Variants in C10orf90 observed in about 807,000 individuals in gnomAD.
C10orf90 encodes the protein chromosome 10 open reading frame 90.
In C10orf90, 56 loss-of-function variants were observed where a neutral mutation model predicts 62.5. The observed-to-expected ratio is 0.90, with a 90% CI of 0.72 to 1.12. The LOEUF (loss-of-function observed/expected upper bound fraction) is 1.12, where lower values mean the gene tolerates loss of function less well. C10orf90 is among the 50% of genes most tolerant of loss of function. The pLI, the probability that C10orf90 is intolerant of heterozygous loss-of-function variation, is 0.00. For missense variants in C10orf90, 970 were observed against 880.4 expected (o/e 1.10, Z -1.29); for synonymous variants, 386 against 340.4 (o/e 1.13, Z -1.47).
chr10:126,442,899 TC>T (rs1858492338), intron 7 of C10orf90, among the ~76,000 whole-genome samples: 1 of 151,728 alleles, frequency 6.6e-6, no homozygotes, highest in Non-Finnish European at 1.5e-5. Flanking sequence ...AATTACCTGC[TC>T]CTGGATGAGC....
chr10:126,595,136 ACT>A (rs1280669236), intron 2 of C10orf90, among the ~76,000 whole-genome samples: 1 of 152,178 alleles, frequency 6.6e-6, no homozygotes, highest in East Asian at 1.9e-4. Flanking sequence ...TTGTTCTCAA[ACT>A]CTGGATTCCA....
intron 2 of C10orf90, among the ~76,000 whole-genome samples, chr10:126,580,438 A>T (rs1450229414): frequency 6.6e-6 from 1 of 152,098 alleles, no homozygotes; most frequent in Non-Finnish European, 1.5e-5. Context: ...GGTGGATCAC[A>T]GTCAGGAGAT....
intron 1 of C10orf90, among the ~76,000 whole-genome samples, chr10:126,659,061 G>A (rs912876668): frequency 5.9e-5 from 9 of 152,132 alleles, no homozygotes; most frequent in African/African-American, 2.2e-4. Flanking sequence ...GCACGCATTG[G>A]GAACTACAGA....
chr10:126,608,168 G>T (rs749452936), intron 2 of C10orf90, among the ~76,000 whole-genome samples: 1 of 152,204 alleles, frequency 6.6e-6, no homozygotes, highest in Non-Finnish European at 1.5e-5. Context: ...GAGTGCAGTG[G>T]TGCCATCAGG....
rs796101004 is a variant in C10orf90 at position 126,474,091 on chromosome 10, C to T, written c.1535-9105G>A. 4.9e-4 allele frequency among the ~76,000 whole-genome samples: 75 copies of T among 152,292 alleles called. 1 individual carries two copies. Among genetic ancestry groups the T allele is most frequent in the African/African-American group, 1.8e-3 (75 of 41,560 alleles). ...ACACACAGAATCTGAGACCTCACCTCAGAGCCACTGAATCCGAATCTGCAT... is the reference window on the plus strand; with the variant it reads ...ACACACAGAATCTGAGACCTCACCTTAGAGCCACTGAATCCGAATCTGCAT... On this transcript the variant is annotated intron_variant, in intron 4 of 9. Coordinates refer to ENST00000488181, the MANE Select transcript of C10orf90 (RefSeq NM_001350921.2).
Position 126,646,521 on chromosome 10 carries a change from A to G in C10orf90, c.313+44T>C. The G allele has an allele frequency of 8.3e-6, 3 of 360,148 alleles. 1 individual carries two copies. Among genetic ancestry groups the G allele is most frequent in the South Asian group, 6.3e-5 (3 of 47,532 alleles). 22.3% of individuals were successfully genotyped at this position (360,148 alleles called of 1,614,324 possible). On this transcript the variant is annotated intron_variant, in intron 2 of 9. Transcript: ENST00000488181. ...AGAGAGAGAGAGAGAGAGTAAATAA[A>G]GGCTTGAAAGGGAACCCTGCCTGGG... is the stretch of plus-strand genomic sequence containing the variant.
In C10orf90 at chr10:126,504,593, A is replaced by T; in HGVS notation, c.898T>A (p.Ser300Thr). ...TCGGGAACCTTCAGCCGCACCACGGAGCTGTTTCTGGAGAACTCTGTGCAG... is the reference window on the plus strand; with the variant it reads ...TCGGGAACCTTCAGCCGCACCACGGTGCTGTTTCTGGAGAACTCTGTGCAG... The part of the protein sequence containing the change: ...FACTEFSRNS[S>T]VVRLKVPEAH... The change falls in exon 4 of 10, where the codon TCC becomes ACC. Residue 300 changes from serine (S) to threonine (T), a missense_variant. By Grantham distance (58) the Ser-to-Thr change is moderately conservative. Transcript: ENST00000488181. The surrounding 1 kb of genome is among the most constrained non-coding windows in gnomAD (Gnocchi z 4.1). 6.2e-7 allele frequency: 1 copy of T among 1,614,102 alleles called. No individual in the cohort carries two copies. The highest frequency in any genetic ancestry group is 8.5e-7 in the Non-Finnish European group (1 of 1,180,022).
chr10:126,490,021 A>AATATATAATATATATTATATATT (rs1564828056), intron 4 of C10orf90, among the ~76,000 whole-genome samples: 3 of 63,914 alleles, frequency 4.7e-5, no homozygotes, highest in African/African-American at 2.2e-4. Flanking sequence ...TATTATATAT[A>AATATATAATATATATTATATATT]ATATATAATA....
chr10:126,459,006 C>G (rs757102959), intron 7 of C10orf90, 34 bp downstream of exon 7: 1 of 1,593,924 alleles, frequency 6.3e-7, no homozygotes, highest in Non-Finnish European at 8.5e-7. Flanking sequence ...CATCCCTGGT[C>G]TTTTCCAGTC....
At chr10:126,442,565 TTC>T (rs1174190515) in intron 7 of C10orf90, among the ~76,000 whole-genome samples, 1 of 122,770 alleles carries the variant, frequency 8.1e-6, no homozygotes, top group African/African-American at 3.2e-5. Flanking sequence ...TTTGTTGACT[TTC>T]TGTCTTGATG....
chr10:126,485,474 C>T (rs1352364969), intron 4 of C10orf90, among the ~76,000 whole-genome samples: 3 of 152,002 alleles, frequency 2.0e-5, no homozygotes, highest in Non-Finnish European at 4.4e-5. Flanking sequence ...GCAATGATGA[C>T]GATTAAACTC....
rs192566304 is a variant in C10orf90, at chr10:126,588,009, C to T, written c.313+58556G>A. 1.2e-4 allele frequency among the ~76,000 whole-genome samples: 18 copies of T among 152,316 alleles called. No homozygotes were observed. The East Asian group carries it at 1.5e-3, about 13-fold the overall frequency. On this transcript the variant is annotated intron_variant, in intron 2 of 9. Coordinates refer to ENST00000488181, the MANE Select transcript of C10orf90 (RefSeq NM_001350921.2). ...TTCTGTGGGCCCCAATCCTATGGCT[C>T]CTTACAAGTTAAAACCCACTGGCTT...
chr10:126,434,730 A>G (rs1857808274), intron 7 of C10orf90, among the ~76,000 whole-genome samples: 2 of 152,212 alleles, frequency 1.3e-5, no homozygotes, highest in South Asian at 4.1e-4. Context: ...TGTGAATTCT[A>G]AGATCACAAG....
intron 2 of C10orf90, among the ~76,000 whole-genome samples, chr10:126,591,465 A>T (rs900087434): frequency 1.3e-5 from 2 of 152,236 alleles, no homozygotes; most frequent in African/African-American, 4.8e-5. Context: ...AACTCAATAG[A>T]CATGGAAGAG....
intron 7 of C10orf90, among the ~76,000 whole-genome samples, chr10:126,457,684 A>G (rs552270234): frequency 6.6e-6 from 1 of 152,292 alleles, no homozygotes; most frequent in Admixed American, 6.5e-5. Flanking sequence ...TGAGGGGCCC[A>G]CACAGCCTGG....
At chr10:126,615,096 C>T (rs1591146196) in intron 2 of C10orf90, among the ~76,000 whole-genome samples, 1 of 152,178 alleles carries the variant, frequency 6.6e-6, no homozygotes, top group Admixed American at 6.5e-5. Flanking sequence ...TCATCCTCCA[C>T]GGAGGCTGGG....
intron 2 of C10orf90, among the ~76,000 whole-genome samples, chr10:126,569,674 T>C (rs1591108234): frequency 6.6e-6 from 1 of 152,214 alleles, no homozygotes; most frequent in Admixed American, 6.5e-5. Context: ...TGGGATTTAC[T>C]GGAAGTGTGG....
chr10:126,519,908 G>A lies in C10orf90; in HGVS notation c.314-5969C>T, dbSNP rs192395626. 4.8e-3 allele frequency among the ~76,000 whole-genome samples: 727 copies of A among 152,218 alleles called. 3 individuals carry two copies. The highest frequency in any genetic ancestry group is 8.4e-3 in the Non-Finnish European group (568 of 68,010). Reference sequence around the variant, plus strand: ...AGGCCAGATCCCCTCCGTGAGCACCGCCTCAGAGGCCGGCTGCCTCCAAGT... The same window carrying A: ...AGGCCAGATCCCCTCCGTGAGCACCACCTCAGAGGCCGGCTGCCTCCAAGT... On this transcript the variant is annotated intron_variant, in intron 2 of 9. Transcript: ENST00000488181.
At chr10:126,589,281 A>G (rs1331688541) in intron 2 of C10orf90, among the ~76,000 whole-genome samples, 1 of 152,202 alleles carries the variant, frequency 6.6e-6, no homozygotes, top group East Asian at 1.9e-4. Context: ...TGGAAAACGT[A>G]CTTCAGGATA....
Sources: gnomAD v4.1 joint callset for allele counts (sites outside exome capture counted in the v4.1 genomes callset) on GRCh38, gnomAD v4.1.1 for gene constraint, Gnocchi (gnomAD v3.1) non-coding constraint, MANE v1.5 for transcripts, NCBI Gene and HGNC (gene_info 2026-07-23, HGNC 2026-07-21) for gene names.